The following TRIO variants were observed in gnomAD, a reference collection of about 807,000 sequenced individuals.
The protein encoded by TRIO is trio Rho guanine nucleotide exchange factor, also known as triple functional domain protein.
Under a neutral mutation model 351.9 loss-of-function variants are expected in TRIO, and 58 were observed. That is an observed-to-expected ratio of 0.16 (90% CI 0.13 to 0.21). The LOEUF (loss-of-function observed/expected upper bound fraction) is 0.21. TRIO is among the 10% of genes least tolerant of loss of function. The probability of loss-of-function intolerance (pLI) is 1.00; values close to 1 mark genes in which losing one functional copy is unlikely to be tolerated. For missense variants in TRIO, 3,201 were observed against 4,027.8 expected, an observed-to-expected ratio of 0.79 and a Z score of 5.56; for synonymous variants, 1,758 against 1,595.7, an observed-to-expected ratio of 1.10 and a Z score of -2.42.
At chr5:14,331,040 A>G in intron 10 of TRIO, 140 bp downstream of exon 10, 1 of 1,262,924 alleles carries the variant, frequency 7.9e-7, no homozygotes, top group South Asian at 1.6e-5. Context: ...CTCCGATTTC[A>G]GAGTGAAGTT....
intron 1 of TRIO, among the ~76,000 whole-genome samples, chr5:14,216,254 C>T (rs1792214979): frequency 6.6e-6 from 1 of 152,182 alleles, no homozygotes; most frequent in African/African-American, 2.4e-5. Context: ...TCTGGAAATG[C>T]TGCAGATTCT....
At chr5:14,381,951 A>G (rs1746144618) in intron 21 of TRIO, among the ~76,000 whole-genome samples, 1 of 152,262 alleles carries the variant, frequency 6.6e-6, no homozygotes, top group South Asian at 2.1e-4. Flanking sequence ...TTATACCTGC[A>G]GAGGCTGAGT....
In TRIO at chr5:14,203,959, C is replaced by G. The variant is rs569219219; in HGVS notation, c.157+60077C>G. ...TTTTTCTCTTATCGTTACGTTGCAC[C>G]TCAGAAGATGCCTGGTACTTTTAAG... is the stretch of plus-strand genomic sequence containing the variant. On this transcript the variant is annotated intron_variant, in intron 1 of 56. Coordinates refer to ENST00000344204, the MANE Select transcript of TRIO (RefSeq NM_007118.4). Among the ~76,000 whole-genome samples the G allele has an allele frequency of 5.3e-5, 8 of 152,332 alleles. No homozygotes were observed. The South Asian group carries it at 1.0e-3, about 20-fold the overall frequency.
intron 6 of TRIO, among the ~76,000 whole-genome samples, chr5:14,295,858 C>T (rs1018520448): frequency 6.6e-6 from 1 of 152,216 alleles, no homozygotes; most frequent in African/African-American, 2.4e-5. Flanking sequence ...TTAGCTGATT[C>T]TAGCCTTCAG....
At chr5:14,158,254 G>A (rs1251591953) in intron 1 of TRIO, among the ~76,000 whole-genome samples, 2 of 151,970 alleles carry the variant, frequency 1.3e-5, no homozygotes, top group Admixed American at 1.3e-4. Flanking sequence ...GTGAAACCCT[G>A]TCTCTACTAA....
intron 55 of TRIO, among the ~76,000 whole-genome samples, chr5:14,505,995 C>A (rs1468949201): frequency 6.6e-6 from 1 of 152,156 alleles, no homozygotes; most frequent in Non-Finnish European, 1.5e-5. Flanking sequence ...GTCACACTGG[C>A]TTTGGAGGGT....
At chr5:14,185,249 A>G (rs1790037285) in intron 1 of TRIO, among the ~76,000 whole-genome samples, 3 of 151,880 alleles carry the variant, frequency 2.0e-5, no homozygotes, top group African/African-American at 7.3e-5. Context: ...GAACAGTGAA[A>G]GTTCTGGAGG....
intron 2 of TRIO, 39 bp from the exon 3 acceptor site, chr5:14,280,283 A>G (rs371857165): frequency 8.3e-6 from 13 of 1,570,622 alleles, no homozygotes; most frequent in African/African-American, 5.4e-5. Context: ...TTTCTGTCTT[A>G]TCTTGTGTCT....
At chr5:14,272,704 G>A (rs1428486681) in intron 2 of TRIO, among the ~76,000 whole-genome samples, 2 of 152,162 alleles carry the variant, frequency 1.3e-5, no homozygotes, top group Non-Finnish European at 2.9e-5. Context: ...GCAAAATGAC[G>A]TTAGTAGGTG....
intron 1 of TRIO, among the ~76,000 whole-genome samples, chr5:14,149,196 G>A (rs988614880): frequency 4.7e-4 from 71 of 152,202 alleles, no homozygotes; most frequent in African/African-American, 1.5e-3. Flanking sequence ...CCGCAGAACA[G>A]GACTTCGCTC....
rs984417866 is a variant in TRIO at position 14,365,905 on chromosome 5, A to G, written c.2755-955A>G. 2.0e-5 allele frequency among the ~76,000 whole-genome samples: 3 copies of G among 152,178 alleles called. No homozygotes were observed. In the East Asian group the frequency reaches 5.8e-4, roughly 29 times the overall value. On this transcript the variant is annotated intron_variant, in intron 15 of 56. Transcript: ENST00000344204. The stretch of plus-strand genomic sequence containing the variant: ...TCAGGAAGGGGAACGCATAATGAGA[A>G]AGAGGCAGCCCCTCTATCAGAAAAG...
chr5:14,445,912 G>A (rs955446121), intron 34 of TRIO, among the ~76,000 whole-genome samples: 7 of 152,174 alleles, frequency 4.6e-5, no homozygotes, highest in African/African-American at 1.7e-4. Context: ...AGACAGCACA[G>A]TGCCCACCAC....
chr5:14,421,489 AGCTACTCGAGAG>A (rs2152390956), intron 34 of TRIO, among the ~76,000 whole-genome samples: 1 of 151,570 alleles, frequency 6.6e-6, no homozygotes, highest in Non-Finnish European at 1.5e-5. Flanking sequence ...CTGTAATCCC[AGCTACTCGAGAG>A]GCTGAGGCAG....
chr5:14,465,707 G>T (rs1754204288), intron 37 of TRIO, 67 bp downstream of exon 37: 1 of 1,560,896 alleles, frequency 6.4e-7, no homozygotes, highest in Non-Finnish European at 8.8e-7. Context: ...AGATGGATTT[G>T]CCCTTGTCTT....
chr5:14,358,750 G>A lies in TRIO; in HGVS notation c.2216+403G>A, dbSNP rs368966103. ...CCAACGTCCAGATTCAGTCAGGCCT[G>A]CATGGGGCGGACACCCACCCCCAAG... On this transcript the variant is annotated intron_variant, in intron 12 of 56. Transcript: ENST00000344204. Among the ~76,000 whole-genome samples the A allele has an allele frequency of 2.6e-5, 4 of 152,198 alleles. No individual in the cohort carries two copies. In the East Asian group the frequency reaches 7.7e-4, roughly 29 times the overall value.
intron 1 of TRIO, among the ~76,000 whole-genome samples, chr5:14,230,164 T>G (rs1430583018): frequency 4.6e-5 from 7 of 152,188 alleles, no homozygotes; most frequent in Non-Finnish European, 8.8e-5. Flanking sequence ...GGTGGACAGT[T>G]TTTGGTACAC....
At chr5:14,292,936 A>G (rs1737036039) in intron 5 of TRIO, 76 bp from the exon 6 acceptor site, 2 of 1,601,812 alleles carry the variant, frequency 1.2e-6, no homozygotes, top group African/African-American at 2.7e-5. Context: ...CTTTCTTGGT[A>G]CTGCCCCATC....
At chr5:14,182,448 G>A (rs1789846194) in intron 1 of TRIO, among the ~76,000 whole-genome samples, 1 of 152,216 alleles carries the variant, frequency 6.6e-6, no homozygotes. Context: ...CAAAGTTTTA[G>A]AAATGATTGC....
At chr5:14,394,499 A>G (rs1312481622) in intron 28 of TRIO, among the ~76,000 whole-genome samples, 2 of 152,170 alleles carry the variant, frequency 1.3e-5, no homozygotes, top group African/African-American at 2.4e-5. Context: ...AGGCATGGAA[A>G]CTAGCCTCAG....
Sources: allele counts gnomAD v4.1 joint callset (sites outside exome capture counted in the v4.1 genomes callset), GRCh38; gene constraint gnomAD v4.1.1; transcripts MANE v1.5; gene names NCBI Gene and HGNC (gene_info 2026-07-23, HGNC 2026-07-21).